The following ANXA11 variants were observed in gnomAD, a reference collection of about 807,000 sequenced individuals.
The protein encoded by ANXA11 is annexin A11.
ANXA11 carries 57 observed loss-of-function variants against 64.7 expected under a neutral mutation model. The ratio of observed to expected loss-of-function variants is 0.88; its 90% CI spans 0.71 to 1.10. ANXA11 has a LOEUF of 1.10. ANXA11 is among the 50% of genes least tolerant of loss of function. The probability of loss-of-function intolerance (pLI) is 0.00; values close to 1 mark genes in which losing one functional copy is unlikely to be tolerated. For synonymous variants in ANXA11, 260 were observed against 265.2 expected (o/e 0.98, Z 0.19); for missense variants, 675 against 670.7 (o/e 1.01, Z -0.07).
intron 1 of ANXA11, among the ~76,000 whole-genome samples, chr10:80,196,906 C>A (rs1770694733): frequency 6.6e-6 from 1 of 152,214 alleles, no homozygotes; most frequent in African/African-American, 2.4e-5. Flanking sequence ...CCAGACAAGG[C>A]AGGCTGGGAG....
chr10:80,195,854 T>C (rs1840136100), intron 1 of ANXA11: 2 of 152,858 alleles, frequency 1.3e-5, no homozygotes, highest in East Asian at 1.9e-4. Context: ...CATCAGATCT[T>C]GTGAGACTTA....
At chr10:80,181,785 AC>A (rs1274248787) in intron 1 of ANXA11, among the ~76,000 whole-genome samples, 2 of 152,200 alleles carry the variant, frequency 1.3e-5, no homozygotes, top group African/African-American at 4.8e-5. Context: ...CACTGATAAC[AC>A]CAAATGCTGG....
At chr10:80,199,729 C>T (rs563822851) in intron 1 of ANXA11, among the ~76,000 whole-genome samples, 10 of 152,310 alleles carry the variant, frequency 6.6e-5, no homozygotes, top group Admixed American at 1.3e-4. Context: ...GAAGACTTTT[C>T]GATAATCCTG....
chr10:80,195,035 C>G (rs531388339), intron 1 of ANXA11, among the ~76,000 whole-genome samples: 20 of 152,168 alleles, frequency 1.3e-4, no homozygotes, highest in African/African-American at 4.8e-4. Flanking sequence ...TCTCTCACCA[C>G]AGGCTGAGGA....
intron 1 of ANXA11, among the ~76,000 whole-genome samples, chr10:80,193,845 ATTC>A (rs1846878506): frequency 2.0e-5 from 3 of 151,322 alleles, no homozygotes; most frequent in South Asian, 4.2e-4. Flanking sequence ...ATATTACTAC[ATTC>A]TTCTTCTTTT....
rs1845185078 is a variant in ANXA11, at chr10:80,153,093, C to T, written c.*2760G>A. 1 of 152,230 alleles carries T rather than the reference C, an allele frequency of 6.6e-6. No homozygotes were observed. The highest frequency in any genetic ancestry group is 6.5e-5 in the Admixed American group (1 of 15,292). The allele number at this position is 152,230 out of a possible 1,614,324, so 9.4% of individuals were successfully genotyped here. ...CCTGGATATCCACCTTGGTCTATTC[C>T]TTGACCAAAGCACATCCATGTACTT... On this transcript the variant is annotated 3_prime_UTR_variant, in exon 16 of 16. Transcript: ENST00000422982.
chr10:80,171,542 T>A (rs553512323), intron 3 of ANXA11: 655 of 864,266 alleles, frequency 7.6e-4, no homozygotes, highest in Non-Finnish European at 8.6e-4. Context: ...CTTAGGCTTG[T>A]TTCCTCAGCT....
intron 1 of ANXA11, among the ~76,000 whole-genome samples, chr10:80,177,910 T>C (rs1230230927): frequency 3.9e-5 from 6 of 152,194 alleles, no homozygotes; most frequent in Non-Finnish European, 7.3e-5. Context: ...TCTAGGAGGC[T>C]AGAGGCTGCA....
At chr10:80,188,508 T>C (rs977319518) in intron 1 of ANXA11, among the ~76,000 whole-genome samples, 1 of 134,096 alleles carries the variant, frequency 7.5e-6, no homozygotes, top group African/African-American at 2.9e-5. Context: ...TATATATATA[T>C]ATAGCACTAC....
chr10:80,169,095 A>T lies in ANXA11; in HGVS notation c.435T>A (p.Pro145=). The T allele has an allele frequency of 6.5e-7, 1 of 1,534,254 alleles. No individual in the cohort carries two copies. The highest frequency in any genetic ancestry group is 8.7e-7 in the Non-Finnish European group (1 of 1,146,480). Residue 145 remains proline (P), a synonymous_variant, in exon 5 of 16, where the codon CCT becomes CCA. Coordinates refer to ENST00000422982, the MANE Select transcript of ANXA11 (RefSeq NM_145868.2). ...CAGGGTAGGTCACTGGTGGCTGCCC[A>T]GGGTAGGCCCCTGGGGGCTGCTGTC... ...PPGQQPPGAY[P]GQPPVTYPGQ...
chr10:80,167,346 G>A lies in ANXA11; in HGVS notation c.562-33C>T, dbSNP rs375029457. On this transcript the variant is annotated intron_variant, in intron 5 of 15. Transcript: ENST00000422982. ...GACAAACAGTCTCAGGTAAGATGTC[G>A]TGCATGCCGCCTTCCCCACATTCAA... The A allele has an allele frequency of 4.8e-5, 77 of 1,594,726 alleles. No homozygotes were observed. The South Asian group carries it at 7.5e-4, about 16-fold the overall frequency.
chr10:80,155,846 T>TCA lies in ANXA11; in HGVS notation c.*5_*6dup, dbSNP rs1445184630. On this transcript the variant is annotated 3_prime_UTR_variant, in exon 16 of 16. Transcript: ENST00000422982. ...CAGGTGGGCAGAAGTGAGCCACCAG[T>TCA]CACTGTTCAGTCATTGCCACCACAG... The TCA allele has an allele frequency of 6.2e-7, 1 of 1,613,988 alleles. No homozygotes were observed. The highest frequency in any genetic ancestry group is 1.3e-5 in the African/African-American group (1 of 74,942).
At chr10:80,163,962 T>G in intron 9 of ANXA11, 91 bp downstream of exon 9, 1 of 1,120,066 alleles carries the variant, frequency 8.9e-7, no homozygotes. Context: ...CAGGAAGGAG[T>G]AAAAGGCCCT....
At chr10:80,166,488 C>A (rs1845746954) in intron 7 of ANXA11, 2 of 442,058 alleles carry the variant, frequency 4.5e-6, no homozygotes, top group Non-Finnish European at 8.2e-6. Flanking sequence ...TTCTAAGATT[C>A]AAAACCCCAG....
chr10:80,164,174 T>C lies in ANXA11; in HGVS notation c.859-31A>G, dbSNP rs755718300. On this transcript the variant is annotated intron_variant, in intron 8 of 15. Coordinates refer to ENST00000422982, the MANE Select transcript of ANXA11 (RefSeq NM_145868.2). ...GGGGCAGAGAATACAACCAACCATG[T>C]GCTTGTTCCAGCAGCCTCACCAGCA... 17 of 1,582,978 alleles carry C rather than the reference T, an allele frequency of 1.1e-5. No homozygotes were observed. In the East Asian group the frequency reaches 3.8e-4, roughly 36 times the overall value.
chr10:80,184,138 C>T (rs1474989112), intron 1 of ANXA11, among the ~76,000 whole-genome samples: 1 of 152,182 alleles, frequency 6.6e-6, no homozygotes, highest in African/African-American at 2.4e-5. Context: ...ATCCCGAACC[C>T]CACCCACACC....
At chr10:80,187,307 G>T (rs965506500) in intron 1 of ANXA11, among the ~76,000 whole-genome samples, 1 of 152,216 alleles carries the variant, frequency 6.6e-6, no homozygotes, top group Non-Finnish European at 1.5e-5. Context: ...ATCCCAGAGG[G>T]CCCAACCCTT....
At chr10:80,160,922 G>A (rs532598857) in intron 12 of ANXA11, among the ~76,000 whole-genome samples, 5 of 152,080 alleles carry the variant, frequency 3.3e-5, no homozygotes, top group Non-Finnish European at 5.9e-5. Context: ...TCTCCCACAC[G>A]TCACGTGTCC....
chr10:80,182,820 A>G (rs1846403557), intron 1 of ANXA11, among the ~76,000 whole-genome samples: 1 of 152,270 alleles, frequency 6.6e-6, no homozygotes, highest in Non-Finnish European at 1.5e-5. Flanking sequence ...TGATAATGTG[A>G]TATAAGAAAT....
Sources: gnomAD v4.1 joint callset for allele counts (sites outside exome capture counted in the v4.1 genomes callset) on GRCh38, gnomAD v4.1.1 for gene constraint, MANE v1.5 for transcripts, NCBI Gene and HGNC (gene_info 2026-07-23, HGNC 2026-07-21) for gene names.